ANKRD18A: variants seen among roughly 807,000 people sequenced by gnomAD.
ANKRD18A encodes the protein ankyrin repeat domain 18A.
A neutral mutation model predicts 110.6 loss-of-function variants in ANKRD18A; 72 were observed. That is an observed-to-expected ratio of 0.65 (90% CI 0.54 to 0.79). The LOEUF is 0.79. Among genes scored for constraint, ANKRD18A ranks in the 30% least tolerant of loss-of-function variants. The pLI is 0.00. For synonymous variants in ANKRD18A, 305 were observed against 410.3 expected (o/e 0.74, Z 3.10); for missense variants, 934 against 1,163.3 (o/e 0.80, Z 2.87).
chr9:38,619,393 T>G (rs1228273001), intron 1 of ANKRD18A, among the ~76,000 whole-genome samples: 4 of 152,232 alleles, frequency 2.6e-5, no homozygotes, highest in Non-Finnish European at 5.9e-5. Context: ...TCAGTGTTTT[T>G]GGATTTCCTG....
chr9:38,616,611 A>G (rs1299616824), intron 1 of ANKRD18A, among the ~76,000 whole-genome samples: 1 of 152,132 alleles, frequency 6.6e-6, no homozygotes, highest in Non-Finnish European at 1.5e-5. Flanking sequence ...CACCAGCATG[A>G]TCAGCTAATT....
intron 5 of ANKRD18A, among the ~76,000 whole-genome samples, chr9:38,608,691 A>G (rs1825467785): frequency 6.8e-6 from 1 of 146,898 alleles, no homozygotes; most frequent in African/African-American, 2.5e-5. Context: ...TATAAAAATA[A>G]TATAATTATA....
chr9:38,569,459 A>G (rs907431287), downstream of ANKRD18A: 92 of 975,994 alleles, frequency 9.4e-5, no homozygotes, highest in Non-Finnish European at 1.1e-4. Flanking sequence ...ACAATCCTTC[A>G]TGCAGAGCCA....
rs775224043 is a variant in ANKRD18A, at chr9:38,620,241, G to A, written c.45C>T (p.Leu15=). The A allele has an allele frequency of 1.9e-6, 3 of 1,551,302 alleles. No individual in the cohort carries two copies. The highest frequency in any genetic ancestry group is 2.6e-6 in the Non-Finnish European group (3 of 1,146,858). The change falls in exon 1 of 16, where the codon CTC becomes CTT. Residue 15 remains leucine (L), a synonymous_variant. Transcript: ENST00000399703. ...CATACTCTTGGTCCATGGAGCTCAG[G>A]AGCGCCTGGCCCAGGCGTCTCCCGA... ...FSFGRRLGQA[L]LSSMDQEYAG... is the part of the protein sequence containing the mutation.
At chr9:38,618,562 A>G (rs1181343115) in intron 1 of ANKRD18A, among the ~76,000 whole-genome samples, 2 of 152,188 alleles carry the variant, frequency 1.3e-5, no homozygotes, top group Non-Finnish European at 2.9e-5. Flanking sequence ...AAGGGCATAT[A>G]CATTTTTAAA....
intron 1 of ANKRD18A, among the ~76,000 whole-genome samples, chr9:38,617,512 T>C (rs1190537147): frequency 6.6e-6 from 1 of 152,112 alleles, no homozygotes; most frequent in Non-Finnish European, 1.5e-5. Context: ...GATGAACAGG[T>C]ATGGCTCATT....
chr9:38,608,410 C>G (rs1333832435), intron 5 of ANKRD18A, among the ~76,000 whole-genome samples: 1 of 151,818 alleles, frequency 6.6e-6, no homozygotes, highest in Non-Finnish European at 1.5e-5. Context: ...ATTTCCAAGT[C>G]ATGTACTAAC....
At chr9:38,604,156 G>A (rs1003576736) in intron 6 of ANKRD18A, 1 of 150,700 alleles carries the variant, frequency 6.6e-6, no homozygotes, top group African/African-American at 2.4e-5. Flanking sequence ...AAATTACCTG[G>A]GCATGGTCGC....
intron 8 of ANKRD18A, 47 bp from the exon 9 acceptor site, chr9:38,596,450 C>T (rs1051297289): frequency 7.8e-5 from 105 of 1,345,998 alleles, no homozygotes; most frequent in Non-Finnish European, 8.8e-5. Context: ...ATAAAATAAT[C>T]TATGATGGTT....
At chr9:38,578,861 C>A (rs931160812) in intron 12 of ANKRD18A, among the ~76,000 whole-genome samples, 1 of 152,062 alleles carries the variant, frequency 6.6e-6, no homozygotes, top group Non-Finnish European at 1.5e-5. Flanking sequence ...TCTTCCTGGA[C>A]GATAGACAAA....
At chr9:38,611,160 C>G in intron 4 of ANKRD18A, 55 bp downstream of exon 4, 1 of 1,511,456 alleles carries the variant, frequency 6.6e-7, no homozygotes, top group Non-Finnish European at 8.8e-7. Flanking sequence ...TGTTACCGCT[C>G]TAGAACACTC....
In ANKRD18A at chr9:38,619,997, A is replaced by T. The variant is rs7854518; in HGVS notation, c.206+83T>A. ...CTCCGAGGGTGCCCGGCGCCCTCCAAGGTCCCCGCCCCAGGGGCTGCCGGG... is the reference window on the plus strand; with the variant it reads ...CTCCGAGGGTGCCCGGCGCCCTCCATGGTCCCCGCCCCAGGGGCTGCCGGG... On this transcript the variant is annotated intron_variant, in intron 1 of 15. Transcript: ENST00000399703. The T allele has an allele frequency of 3.2e-3, 4,730 of 1,493,594 alleles. 138 individuals are homozygous for T. In the African/African-American group the frequency reaches 0.06, roughly 19 times the overall value. The allele number at this position is 1,493,594 out of a possible 1,614,324, so 92.5% of individuals were successfully genotyped here. A position where few individuals can be genotyped will look rare whatever the true frequency, so the allele number is the denominator to read the frequency against.
At chr9:38,614,249 T>C (rs1825764851) in intron 3 of ANKRD18A, among the ~76,000 whole-genome samples, 1 of 135,666 alleles carries the variant, frequency 7.4e-6, no homozygotes, top group African/African-American at 3.1e-5. Context: ...TTTTTGCTCT[T>C]GTTGTGGTAA....
intron 8 of ANKRD18A, among the ~76,000 whole-genome samples, chr9:38,598,940 G>A (rs1267444406): frequency 6.6e-6 from 1 of 152,186 alleles, no homozygotes; most frequent in Non-Finnish European, 1.5e-5. Flanking sequence ...TACAGACTGA[G>A]GCCAATGTCT....
chr9:38,588,833 A>C (rs1208106196), intron 10 of ANKRD18A, among the ~76,000 whole-genome samples, 170 bp from the exon 11 acceptor site: 1 of 152,222 alleles, frequency 6.6e-6, no homozygotes, highest in African/African-American at 2.4e-5. Flanking sequence ...CATTTTCTTA[A>C]AACAGCTAAA....
At chr9:38,574,002 T>A (rs1231622014) in intron 15 of ANKRD18A, among the ~76,000 whole-genome samples, 4 of 152,158 alleles carry the variant, frequency 2.6e-5, no homozygotes, top group Non-Finnish European at 4.4e-5. Context: ...ATTGAACCCA[T>A]CACACAGGTA....
At chr9:38,566,478 A>G (rs1313776564), downstream of ANKRD18A, 1 of 152,180 alleles carries the variant, frequency 6.6e-6, no homozygotes, top group African/African-American at 2.4e-5. Context: ...TTTTGGTCAC[A>G]ACCATTTAAC....
intron 1 of ANKRD18A, 66 bp downstream of exon 1, chr9:38,620,014 G>GCTGCCGGGCTGCAGGGAAGCCGGGC: frequency 1.3e-6 from 2 of 1,530,896 alleles, no homozygotes; most frequent in South Asian, 2.5e-5. Context: ...CGCCCCAGGG[G>GCTGCCGGGCTGCAGGGAAGCCGGGC]CTGCCGGGCT....
intron 11 of ANKRD18A, among the ~76,000 whole-genome samples, chr9:38,586,784 G>A (rs1274595546): frequency 6.6e-6 from 1 of 152,066 alleles, no homozygotes; most frequent in African/African-American, 2.4e-5. Context: ...GGCTGGTTTT[G>A]AACTCCTGAG....
Sources: gnomAD v4.1 joint callset for allele counts (sites outside exome capture counted in the v4.1 genomes callset) on GRCh38, gnomAD v4.1.1 for gene constraint, MANE v1.5 for transcripts, NCBI Gene and HGNC (gene_info 2026-07-23, HGNC 2026-07-21) for gene names.